Variants in DENND11 observed in about 807,000 individuals in gnomAD.
DENND11 encodes the protein DENN domain containing 11.
DENND11 carries 34 observed loss-of-function variants against 49.2 expected under a neutral mutation model. That is an observed-to-expected ratio of 0.69 (90% CI 0.53 to 0.92). The LOEUF is 0.92. DENND11 is among the 40% of genes least tolerant of loss of function. The pLI, the probability that DENND11 is intolerant of heterozygous loss-of-function variation, is 0.00. For synonymous variants in DENND11, 238 were observed against 230.3 expected (o/e 1.03, Z -0.30); for missense variants, 475 against 581.6 (o/e 0.82, Z 1.88).
intron 3 of DENND11, among the ~76,000 whole-genome samples, chr7:141,682,798 T>C (rs953509732): frequency 6.6e-6 from 1 of 152,216 alleles, no homozygotes; most frequent in African/African-American, 2.4e-5. Context: ...CCCTATCCAA[T>C]ATAATACCAC....
At position 141,685,543 on chromosome 7, in the gene DENND11, C is replaced by T. The variant is rs764686439; in HGVS notation, c.462G>A (p.Val154=). Residue 154 remains valine, a synonymous_variant, in exon 3 of 9, where the codon GTG becomes GTA. Coordinates refer to ENST00000536163, the MANE Select transcript of DENND11 (RefSeq NM_001080392.2). ...GTGTGTAGGAGGGAGAGAGGATGCC[C>T]ACAGACTTCATCCGCGCGCCACGTT... ...ELERGARMKS[V]GILSPSYTLL... is the part of the protein sequence containing the mutation. The T allele has an allele frequency of 1.1e-4, 177 of 1,613,850 alleles. No individual in the cohort carries two copies. Among genetic ancestry groups the T allele is most frequent in the Non-Finnish European group, 1.4e-4 (168 of 1,179,894 alleles).
rs1461423501 is a variant in DENND11 at position 141,664,934 on chromosome 7, C to G, written c.1073G>C (p.Arg358Thr). The change falls in exon 7 of 9, where the codon AGG (arginine) becomes ACG (threonine). Residue 358 changes from arginine to threonine, a missense_variant. By Grantham distance (71) the Arg-to-Thr change is moderately conservative. Transcript: ENST00000536163. Reference protein sequence around the residue: ...QPLLKINSADREKYRRLNEQR... With the variant: ...QPLLKINSADTEKYRRLNEQR... ...CTCGTTGAGCCGGCGGTACTTCTCCCTGTCAGCACTGTTGATCTTCAGCAG... is the reference window on the plus strand; with the variant it reads ...CTCGTTGAGCCGGCGGTACTTCTCCGTGTCAGCACTGTTGATCTTCAGCAG... 1 of 1,613,030 alleles carries G rather than the reference C, an allele frequency of 6.2e-7. No individual in the cohort carries two copies. The highest frequency in any genetic ancestry group is 2.2e-5 in the East Asian group (1 of 44,858).
intron 2 of DENND11, 30 bp downstream of exon 2, chr7:141,686,529 C>A (rs375624777): frequency 1.4e-6 from 2 of 1,416,186 alleles, no homozygotes; most frequent in South Asian, 1.2e-5. Context: ...GGGAATGGTA[C>A]GAAGATGACT....
At chr7:141,682,347 AAAGTC>A (rs1431947832) in intron 3 of DENND11, among the ~76,000 whole-genome samples, 17 of 152,172 alleles carry the variant, frequency 1.1e-4, no homozygotes, top group African/African-American at 3.9e-4. Context: ...ACTTTTTCTC[AAAGTC>A]AAGTCTTCCC....
intron 1 of DENND11, among the ~76,000 whole-genome samples, chr7:141,689,829 T>C (rs997632176): frequency 7.9e-5 from 12 of 152,372 alleles, no homozygotes; most frequent in African/African-American, 2.9e-4. Flanking sequence ...TTTTATGTCA[T>C]CCATGCTGAT....
Position 141,663,233 on chromosome 7 carries a change from G to A in DENND11, c.1173-382C>T, listed in dbSNP as rs13238629. On this transcript the variant is annotated intron_variant, in intron 8 of 8. Transcript: ENST00000536163. The stretch of plus-strand genomic sequence containing the variant: ...ATTCAACAACAACAACAAAATGAAC[G>A]TGAGCCAACGTTACCCTTGGGTGTT... 1,382 of 174,518 alleles carry A rather than the reference G, an allele frequency of 7.9e-3. 3 individuals are homozygous for A. The highest frequency in any genetic ancestry group is 0.013 in the Non-Finnish European group (1,094 of 83,630). 10.8% of individuals were successfully genotyped at this position (174,518 alleles called of 1,614,324 possible). A position where few individuals can be genotyped will look rare whatever the true frequency, so the allele number is the denominator to read the frequency against.
chr7:141,698,076 A>G (rs912628641), intron 1 of DENND11, among the ~76,000 whole-genome samples: 1 of 152,224 alleles, frequency 6.6e-6, no homozygotes, highest in Non-Finnish European at 1.5e-5. Context: ...CTCTAAACGC[A>G]GCAGTGTAAA....
In DENND11 at chr7:141,660,180, C is replaced by T; in HGVS notation, c.*2476G>A. On this transcript the variant is annotated 3_prime_UTR_variant, in exon 9 of 9. Transcript: ENST00000536163. ...AGAGATAAAGCACACGCTGTTCAGC[C>T]AAGCAGAGGCTCTGCACAAGATTTC... 1 of 152,264 alleles carries T rather than the reference C, an allele frequency of 6.6e-6. No individual in the cohort carries two copies. Among genetic ancestry groups the T allele is most frequent in the East Asian group, 1.9e-4 (1 of 5,182 alleles). 9.4% of individuals were successfully genotyped at this position (152,264 alleles called of 1,614,324 possible). A position where few individuals can be genotyped will look rare whatever the true frequency, so the allele number is the denominator to read the frequency against.
intron 1 of DENND11, among the ~76,000 whole-genome samples, chr7:141,700,000 G>C (rs1254694287): frequency 6.6e-6 from 1 of 152,078 alleles, no homozygotes; most frequent in Admixed American, 6.5e-5. Context: ...CAAGGAATGG[G>C]GGCAGGTACT....
At chr7:141,673,680 CA>C (rs1170609939) in intron 4 of DENND11, among the ~76,000 whole-genome samples, 1 of 152,228 alleles carries the variant, frequency 6.6e-6, no homozygotes, top group African/African-American at 2.4e-5. Flanking sequence ...CAAAGTACTT[CA>C]GGAACAAATA....
intron 1 of DENND11, among the ~76,000 whole-genome samples, chr7:141,698,511 T>C (rs1465724721): frequency 1.3e-5 from 2 of 152,180 alleles, no homozygotes; most frequent in African/African-American, 4.8e-5. Flanking sequence ...TGTGTAAGCC[T>C]CACTTTGAAC....
chr7:141,701,049 C>A (rs1798502972), intron 1 of DENND11, among the ~76,000 whole-genome samples: 2 of 152,090 alleles, frequency 1.3e-5, no homozygotes, highest in African/African-American at 4.8e-5. Context: ...AAGTCCCTAG[C>A]TGACCCTCCA....
chr7:141,687,503 G>T (rs545623444), intron 1 of DENND11, among the ~76,000 whole-genome samples: 2 of 150,520 alleles, frequency 1.3e-5, no homozygotes, highest in African/African-American at 2.5e-5. Context: ...TCACTTTGTC[G>T]CCCAGGCTGG....
chr7:141,679,478 T>C (rs1180137316), intron 3 of DENND11, among the ~76,000 whole-genome samples: 2 of 152,136 alleles, frequency 1.3e-5, no homozygotes, highest in African/African-American at 4.8e-5. Context: ...TTTGGGAGGC[T>C]GAGGCGGGTA....
intron 4 of DENND11, among the ~76,000 whole-genome samples, chr7:141,672,902 G>A (rs922213233): frequency 1.3e-5 from 2 of 152,054 alleles, no homozygotes; most frequent in Admixed American, 6.5e-5. Flanking sequence ...CTCTTTACCC[G>A]GTAAGCCCCT....
chr7:141,671,712 C>T (rs962169142), intron 4 of DENND11, among the ~76,000 whole-genome samples: 7 of 152,170 alleles, frequency 4.6e-5, no homozygotes, highest in African/African-American at 1.7e-4. Flanking sequence ...GGTCACCTCC[C>T]TGTGGATTTG....
intron 1 of DENND11, among the ~76,000 whole-genome samples, chr7:141,695,605 G>C (rs1398281390): frequency 6.6e-6 from 1 of 152,178 alleles, no homozygotes; most frequent in African/African-American, 2.4e-5. Context: ...CTTATCCCAG[G>C]CTCAGTCTTC....
chr7:141,678,454 T>C (rs1030017072), intron 3 of DENND11, among the ~76,000 whole-genome samples: 2 of 152,214 alleles, frequency 1.3e-5, no homozygotes, highest in African/African-American at 4.8e-5. Context: ...CTTAATTTTA[T>C]ACTTAGTCAT....
At chr7:141,668,362 G>A (rs1452602600) in intron 4 of DENND11, among the ~76,000 whole-genome samples, 3 of 152,136 alleles carry the variant, frequency 2.0e-5, no homozygotes, top group African/African-American at 7.2e-5. Context: ...CGAGGTGGGT[G>A]GATCACAAGG....
Sources: gnomAD v4.1 joint callset for allele counts (sites outside exome capture counted in the v4.1 genomes callset) on GRCh38, gnomAD v4.1.1 for gene constraint, MANE v1.5 for transcripts, NCBI Gene and HGNC (gene_info 2026-07-23, HGNC 2026-07-21) for gene names.